Variants in SPMIP7 observed in about 807,000 individuals in gnomAD.
SPMIP7 encodes the protein protein SPMIP7.
chr7:50,096,554 A>C, the SPMIP7 span: 1 of 1,552,032 alleles, frequency 6.4e-7, no homozygotes, highest in Non-Finnish European at 8.7e-7. Context: ...AAAAAGGCAA[A>C]AAATTCTATC....
At chr7:50,096,606 T>C in the SPMIP7 span, 1 of 1,549,776 alleles carries the variant, frequency 6.5e-7, no homozygotes, top group Non-Finnish European at 8.7e-7. Context: ...TCCAGGGAAG[T>C]ACCAGACATT....
chr7:50,134,616 A>T, the SPMIP7 span, among the ~76,000 whole-genome samples: 1 of 152,210 alleles, frequency 6.6e-6, no homozygotes, highest in Non-Finnish European at 1.5e-5. Flanking sequence ...TATGCTGAAG[A>T]TGGTTCTTCA....
chr7:50,106,034 T>G, the SPMIP7 span, among the ~76,000 whole-genome samples: 1 of 152,258 alleles, frequency 6.6e-6, no homozygotes, highest in Non-Finnish European at 1.5e-5. Flanking sequence ...GCATATTTAT[T>G]TAAATCTAAA....
chr7:50,133,983 T>C, the SPMIP7 span: 2 of 784,366 alleles, frequency 2.5e-6, no homozygotes, highest in Non-Finnish European at 3.9e-6. Context: ...ATATATGGTA[T>C]ACACACCAAG....
At chr7:50,134,360 T>A in the SPMIP7 span, 1 of 910,094 alleles carries the variant, frequency 1.1e-6, no homozygotes. Flanking sequence ...AGGAAGTAAA[T>A]TTATGTAAGA....
chr7:50,125,171 CACATATATATACACATATAT>C, the SPMIP7 span, among the ~76,000 whole-genome samples: 3 of 53,330 alleles, frequency 5.6e-5, 1 homozygote, highest in African/African-American at 2.4e-4. Flanking sequence ...CACATATATA[CACATATATATACACATATAT>C]ACACATATAT....
the SPMIP7 span, among the ~76,000 whole-genome samples, chr7:50,133,545 A>G: frequency 3.9e-5 from 6 of 152,144 alleles, no homozygotes; most frequent in Non-Finnish European, 8.8e-5. Context: ...TGTGTGACAG[A>G]CTGCAGGAAT....
the SPMIP7 span, among the ~76,000 whole-genome samples, chr7:50,097,683 T>TAAAAAAA: frequency 1.4e-5 from 2 of 142,214 alleles, no homozygotes; most frequent in African/African-American, 2.6e-5. Context: ...CATTTTATGT[T>TAAAAAAA]AAAAAAAAAA....
At chr7:50,134,341 C>A in the SPMIP7 span, 3 of 1,089,360 alleles carry the variant, frequency 2.8e-6, no homozygotes, top group East Asian at 2.7e-5. Context: ...TTATTGTTAA[C>A]AATACCTAAG....
the SPMIP7 span, among the ~76,000 whole-genome samples, chr7:50,101,160 G>A: frequency 3.3e-5 from 5 of 152,290 alleles, no homozygotes; most frequent in African/African-American, 1.2e-4. Flanking sequence ...GTTGACATTG[G>A]GCCTGGACAT....
chr7:50,158,574 C>T, the SPMIP7 span, among the ~76,000 whole-genome samples: 2 of 151,760 alleles, frequency 1.3e-5, no homozygotes, highest in African/African-American at 4.8e-5. Context: ...CCGGGTTCCC[C>T]CTATCCATGT....
the SPMIP7 span, chr7:50,117,252 C>T: frequency 2.2e-6 from 1 of 455,836 alleles, no homozygotes; most frequent in Non-Finnish European, 4.4e-6. Flanking sequence ...GGAGTACTTA[C>T]CCAAAAACAT....
chr7:50,146,175 T>A, the SPMIP7 span, among the ~76,000 whole-genome samples: 2 of 152,188 alleles, frequency 1.3e-5, no homozygotes, highest in African/African-American at 4.8e-5. Context: ...CACTCCCTCA[T>A]TTGTTTTTCA....
At chr7:50,130,156 T>A in the SPMIP7 span, among the ~76,000 whole-genome samples, 1 of 152,148 alleles carries the variant, frequency 6.6e-6, no homozygotes, top group African/African-American at 2.4e-5. Context: ...ATGAGCTACA[T>A]CAGTGAGTAG....
the SPMIP7 span, among the ~76,000 whole-genome samples, chr7:50,124,497 A>C: frequency 1.8e-3 from 269 of 152,294 alleles, 1 homozygote; most frequent in Non-Finnish European, 2.8e-3. Context: ...AACAAGTCTT[A>C]ATACATTTAA....
the SPMIP7 span, among the ~76,000 whole-genome samples, chr7:50,134,653 C>G: frequency 2.6e-5 from 4 of 152,264 alleles, no homozygotes; most frequent in African/African-American, 7.2e-5. Flanking sequence ...TAGCTCTGTA[C>G]TTTTCATGGC....
chr7:50,120,626 CAGGGG>C, the SPMIP7 span, among the ~76,000 whole-genome samples: 3 of 152,142 alleles, frequency 2.0e-5, no homozygotes, highest in Non-Finnish European at 4.4e-5. Flanking sequence ...GGACATTTCT[CAGGGG>C]AAAGAAACAC....
chr7:50,145,638 A>G, the SPMIP7 span, among the ~76,000 whole-genome samples: 683 of 106,030 alleles, frequency 6.4e-3, 56 homozygotes, highest in African/African-American at 0.02. Flanking sequence ...ATATATATAT[A>G]TATATATATA....
chr7:50,127,448 A>G, the SPMIP7 span, among the ~76,000 whole-genome samples: 25 of 151,748 alleles, frequency 1.6e-4, no homozygotes, highest in Non-Finnish European at 2.5e-4. Context: ...AGAAAAAAAA[A>G]GTGAAGAGAC....
Sources: allele counts gnomAD v4.1 joint callset (sites outside exome capture counted in the v4.1 genomes callset), GRCh38; gene constraint gnomAD v4.1.1; transcripts MANE v1.5; gene names NCBI Gene and HGNC (gene_info 2026-07-23, HGNC 2026-07-21).